TSNARE1: variants seen among roughly 807,000 people sequenced by gnomAD.
TSNARE1 encodes t-SNARE domain-containing protein 1.
TSNARE1 carries 49 observed loss-of-function variants against 62.0 expected under a neutral mutation model. The ratio of observed to expected loss-of-function variants is 0.79; its 90% CI spans 0.63 to 1.00. TSNARE1 has a LOEUF of 1.00. Among genes scored for constraint, TSNARE1 ranks in the 50% least tolerant of loss-of-function variants. The pLI is 0.00. For synonymous variants in TSNARE1, 328 were observed against 294.4 expected (o/e 1.11, Z -1.17); for missense variants, 755 against 700.1 (o/e 1.08, Z -0.88).
At chr8:142,302,985 C>T (rs1052688388) in intron 9 of TSNARE1, among the ~76,000 whole-genome samples, 1 of 152,116 alleles carries the variant, frequency 6.6e-6, no homozygotes, top group Non-Finnish European at 1.5e-5. Flanking sequence ...AGCTGCCACC[C>T]CAACCCATCC....
intron 12 of TSNARE1, among the ~76,000 whole-genome samples, chr8:142,260,994 AGGGGGGTG>A (rs1563786642): frequency 2.2e-3 from 2 of 890 alleles, no homozygotes; most frequent in Non-Finnish European, 4.6e-3. Context: ...GGAGAGAGGG[AGGGGGGTG>A]GGGAGGGAGG....
intron 11 of TSNARE1, chr8:142,277,860 AGGACTAAGCACCT>A: frequency 1.0e-6 from 1 of 985,320 alleles, no homozygotes; most frequent in Non-Finnish European, 1.2e-6. Flanking sequence ...CTTGCAGAAA[AGGACTAAGCACCT>A]GGGCCACACC....
At position 142,369,414 on chromosome 8, in the gene TSNARE1, T is replaced by C. The variant is rs574733212; in HGVS notation, c.-39-14651A>G. On this transcript the variant is annotated intron_variant, in intron 1 of 13. Transcript: ENST00000524325. ...TTATTTATCTCAGTCTGCAGTCCTA[T>C]AATTGAAGTCAAAATCAATCAAATC... Among the ~76,000 whole-genome samples the C allele has an allele frequency of 6.6e-5, 10 of 152,340 alleles. No individual in the cohort carries two copies. The South Asian group carries it at 1.7e-3, about 25-fold the overall frequency.
At position 142,273,508 on chromosome 8, in the gene TSNARE1, G is replaced by C. The variant is rs1819937651; in HGVS notation, c.1446+1273C>G. 4.1e-6 allele frequency: 4 copies of C among 985,318 alleles called. No homozygotes were observed. The South Asian group carries it at 1.9e-4, about 46-fold the overall frequency. 61.0% of individuals were successfully genotyped at this position (985,318 alleles called of 1,614,324 possible). A position where few individuals can be genotyped will look rare whatever the true frequency, so the allele number is the denominator to read the frequency against. On this transcript the variant is annotated intron_variant, in intron 12 of 13. Coordinates refer to ENST00000524325, the MANE Select transcript of TSNARE1 (RefSeq NM_145003.5). ...GCTGGCGCCAGGAGACCCAGCCCCAGCCTTGCCTCTGACCTCATCCTGCAG... is the reference window on the plus strand; with the variant it reads ...GCTGGCGCCAGGAGACCCAGCCCCACCCTTGCCTCTGACCTCATCCTGCAG...
chr8:142,357,936 C>T lies in TSNARE1; in HGVS notation c.-39-3173G>A, dbSNP rs537085457. Among the ~76,000 whole-genome samples the T allele has an allele frequency of 5.4e-4, 82 of 152,210 alleles. 1 individual carries two copies. Among genetic ancestry groups the T allele is most frequent in the African/African-American group, 2.0e-3 (82 of 41,514 alleles). ...ATGAGAGGAGGGGGCGGCCAGCGGCCATCACTGCAAAGGGCGGCGGGGTCT... is the reference window on the plus strand; with the variant it reads ...ATGAGAGGAGGGGGCGGCCAGCGGCTATCACTGCAAAGGGCGGCGGGGTCT... On this transcript the variant is annotated intron_variant, in intron 1 of 13. Coordinates refer to ENST00000524325, the MANE Select transcript of TSNARE1 (RefSeq NM_145003.5).
intron 5 of TSNARE1, 83 bp downstream of exon 5, chr8:142,331,671 T>C: frequency 7.3e-7 from 1 of 1,376,162 alleles, no homozygotes; most frequent in Non-Finnish European, 1.0e-6. Flanking sequence ...GGGGAAGCCA[T>C]CCAGCACCCT....
chr8:142,330,789 C>T (rs1042530242), intron 6 of TSNARE1, 112 bp downstream of exon 6: 40 of 1,065,512 alleles, frequency 3.8e-5, no homozygotes, highest in African/African-American at 6.2e-5. Context: ...GGCAGCTGTG[C>T]GCAAGCAGCT....
chr8:142,318,895 G>A (rs964862272), intron 6 of TSNARE1, among the ~76,000 whole-genome samples: 58 of 151,926 alleles, frequency 3.8e-4, no homozygotes, highest in African/African-American at 2.4e-4. Context: ...CAAGAGCAGC[G>A]ATGATTCCCA....
At chr8:142,261,310 A>G (rs72687338) in intron 12 of TSNARE1, among the ~76,000 whole-genome samples, 5,939 of 108,370 alleles carry the variant, frequency 0.055, 171 homozygotes, top group South Asian at 0.084. Context: ...AGGAGAGAGG[A>G]AGGAGGGATG....
chr8:142,290,126 C>T (rs1409943129), intron 10 of TSNARE1, among the ~76,000 whole-genome samples: 2 of 152,200 alleles, frequency 1.3e-5, no homozygotes, highest in African/African-American at 2.4e-5. Flanking sequence ...TTGGGCTCCC[C>T]CACGGGCCTA....
intron 10 of TSNARE1, among the ~76,000 whole-genome samples, chr8:142,297,104 C>T (rs996298756): frequency 6.6e-6 from 1 of 152,230 alleles, no homozygotes; most frequent in Non-Finnish European, 1.5e-5. Context: ...AATCGGGGTT[C>T]AAGGTCACCC....
At chr8:142,396,764 C>G (rs1197315339) in intron 1 of TSNARE1, among the ~76,000 whole-genome samples, 1 of 152,186 alleles carries the variant, frequency 6.6e-6, no homozygotes, top group Non-Finnish European at 1.5e-5. Context: ...GTAAGTTTCC[C>G]AAGGCTGGGA....
Position 142,352,875 on chromosome 8 carries a change from G to A in TSNARE1, c.88+1762C>T, listed in dbSNP as rs550570101. Among the ~76,000 whole-genome samples the A allele has an allele frequency of 5.3e-5, 8 of 152,306 alleles. No individual in the cohort carries two copies. The South Asian group carries it at 1.7e-3, about 32-fold the overall frequency. ...GGGTCAGGCGCACCACCTCCGAACC[G>A]TTAGATCTGAACCTGTGTCTACACC... On this transcript the variant is annotated intron_variant, in intron 2 of 13. Coordinates refer to ENST00000524325, the MANE Select transcript of TSNARE1 (RefSeq NM_145003.5).
Position 142,291,258 on chromosome 8 carries a change from G to A in TSNARE1, c.1291-6773C>T, listed in dbSNP as rs1002868378. Among the ~76,000 whole-genome samples the A allele has an allele frequency of 1.3e-5, 2 of 151,860 alleles. No individual in the cohort carries two copies. Among genetic ancestry groups the A allele is most frequent in the Non-Finnish European group, 2.9e-5 (2 of 68,004 alleles). ...AAAGTCGGCTCTCCAGCATCGCGGTGAGGATGGCCTTGTGCTGGAGTAGGG... is the reference window on the plus strand; with the variant it reads ...AAAGTCGGCTCTCCAGCATCGCGGTAAGGATGGCCTTGTGCTGGAGTAGGG... On this transcript the variant is annotated intron_variant, in intron 10 of 13. Coordinates refer to ENST00000524325, the MANE Select transcript of TSNARE1 (RefSeq NM_145003.5). This position sits in a 1 kb window ranked among gnomAD's most constrained non-coding sequence, Gnocchi z 4.8.
intron 13 of TSNARE1, among the ~76,000 whole-genome samples, chr8:142,216,883 G>C (rs1483677532): frequency 6.6e-6 from 1 of 152,138 alleles, no homozygotes; most frequent in African/African-American, 2.4e-5. Flanking sequence ...AGGGGAACCG[G>C]GGTTTCAGCC....
chr8:142,283,760 G>A (rs556807262), intron 11 of TSNARE1, among the ~76,000 whole-genome samples: 1 of 120,910 alleles, frequency 8.3e-6, no homozygotes, highest in Admixed American at 7.9e-5. Flanking sequence ...ACGAGCAGAG[G>A]CAGGGACAGC....
intron 10 of TSNARE1, among the ~76,000 whole-genome samples, chr8:142,289,866 C>T (rs749267958): frequency 1.3e-5 from 2 of 152,226 alleles, no homozygotes; most frequent in Non-Finnish European, 2.9e-5. Context: ...GCCGGGCAGG[C>T]GCAGTGGGGC....
intron 1 of TSNARE1, among the ~76,000 whole-genome samples, chr8:142,400,270 C>A (rs1421394553): frequency 6.6e-6 from 1 of 151,890 alleles, no homozygotes; most frequent in African/African-American, 2.4e-5. Flanking sequence ...CATGGTGAAA[C>A]CCCGTCTCTA....
intron 4 of TSNARE1, among the ~76,000 whole-genome samples, chr8:142,338,358 T>C (rs1832064398): frequency 6.6e-6 from 1 of 152,168 alleles, no homozygotes; most frequent in Non-Finnish European, 1.5e-5. Context: ...CTCAAGGCAA[T>C]GCAGCCCCAG....
Sources: allele counts gnomAD v4.1 joint callset (sites outside exome capture counted in the v4.1 genomes callset), GRCh38; gene constraint gnomAD v4.1.1; non-coding constraint Gnocchi (gnomAD v3.1); transcripts MANE v1.5; gene names NCBI Gene and HGNC (gene_info 2026-07-23, HGNC 2026-07-21).